DLEC1: variants seen among roughly 807,000 people sequenced by gnomAD.
DLEC1 encodes deleted in lung and esophageal cancer protein 1.
In DLEC1, 146 loss-of-function variants were observed where a neutral mutation model predicts 198.1. That is an observed-to-expected ratio of 0.74 (90% CI 0.64 to 0.85). DLEC1 has a LOEUF of 0.85. DLEC1 is among the 40% of genes least tolerant of loss of function. The pLI is 0.00. For synonymous variants in DLEC1, 897 were observed against 866.8 expected (o/e 1.03, Z -0.61); for missense variants, 2,233 against 2,220.0 (o/e 1.01, Z -0.12).
chr3:38,067,683 T>C lies in DLEC1; in HGVS notation c.1173+3764T>C, dbSNP rs6775473. Among the ~76,000 whole-genome samples, 5 of 151,598 alleles carry C rather than the reference T, an allele frequency of 3.3e-5. No individual in the cohort carries two copies. In the East Asian group the frequency reaches 9.7e-4, roughly 30 times the overall value. The stretch of plus-strand genomic sequence containing the variant: ...CCACATAGCTTCTCTATGTGGGCTG[T>C]GCTTCCTTACAGTATGGCAATCTCA... On this transcript the variant is annotated intron_variant, in intron 6 of 36. Transcript: ENST00000308059.
In DLEC1 at chr3:38,113,736, A is replaced by C. The variant is rs577918905; in HGVS notation, c.3667-606A>C. Among the ~76,000 whole-genome samples the C allele has an allele frequency of 2.6e-5, 4 of 152,136 alleles. No homozygotes were observed. In the South Asian group the frequency reaches 6.2e-4, roughly 24 times the overall value. On this transcript the variant is annotated intron_variant, in intron 25 of 36. Transcript: ENST00000308059. ...TAATCCTATATTGTTAAAAGAAAAG[A>C]TTATTAAAGGCATGTGCAGCATGCT...
At chr3:38,049,348 T>C (rs750937320) in intron 2 of DLEC1, among the ~76,000 whole-genome samples, 1 of 152,196 alleles carries the variant, frequency 6.6e-6, no homozygotes, top group Non-Finnish European at 1.5e-5. Flanking sequence ...ATAACTCAGA[T>C]AACTGGCAAT....
rs1039933243 is a variant in DLEC1, at chr3:38,081,618, T to C, written c.1174-2540T>C. 4.4e-3 allele frequency among the ~76,000 whole-genome samples: 410 copies of C among 93,838 alleles called. 31 individuals carry two copies. The highest frequency in any genetic ancestry group is 5.1e-3 in the Non-Finnish European group (241 of 47,532). 61.6% of individuals were successfully genotyped at this position (93,838 alleles called of 152,430 possible). ...CGGGGCGGCTGGCCGGGCGGAGGGC[T>C]GACCCCCCCACCTCCCTCCCGGACG... On this transcript the variant is annotated intron_variant, in intron 6 of 36. Coordinates refer to ENST00000308059, the MANE Select transcript of DLEC1 (RefSeq NM_007335.4).
chr3:38,116,644 G>A lies in DLEC1; in HGVS notation c.4048G>A (p.Glu1350Lys). ...CTCCAGTTCATCGGAATTCAGCCAT[G>A]AAACTGACTCATCAGTGAGCAGGGG... ...GPSSSSEFSH[E>K]TDSSVEGSSS... is the part of the protein sequence containing the mutation. The change falls in exon 28 of 37, where the codon GAA (glutamate) becomes AAA (lysine). Residue 1350 changes from glutamate to lysine, a missense_variant. By Grantham distance (56) the Glu-to-Lys change is moderately conservative (BLOSUM62 1). Coordinates refer to ENST00000308059, the MANE Select transcript of DLEC1 (RefSeq NM_007335.4). The A allele has an allele frequency of 6.2e-7, 1 of 1,614,140 alleles. No individual in the cohort carries two copies. The highest frequency in any genetic ancestry group is 1.3e-5 in the African/African-American group (1 of 75,056).
chr3:38,084,548 A>AGTGGTGGTT (rs1698314581), intron 7 of DLEC1, among the ~76,000 whole-genome samples: 1 of 1,406 alleles, frequency 7.1e-4, no homozygotes, highest in Non-Finnish European at 2.4e-3. Flanking sequence ...TGGTAGTAGT[A>AGTGGTGGTT]GTGGTAGTAG....
chr3:38,097,230 A>G lies in DLEC1; in HGVS notation c.2389A>G (p.Ser797Gly), dbSNP rs1212250878. The G allele has an allele frequency of 6.3e-7, 1 of 1,587,718 alleles. No individual in the cohort carries two copies. The highest frequency in any genetic ancestry group is 1.8e-5 in the Admixed American group (1 of 56,816). The change falls in exon 16 of 37, where the codon AGC becomes GGC. Residue 797 changes from serine (S) to glycine (G), a missense_variant. Ser to Gly is a moderately conservative substitution (Grantham distance 56). Coordinates refer to ENST00000308059, the MANE Select transcript of DLEC1 (RefSeq NM_007335.4). ...SPIRYLWGKI[S>G]DCHIIEVEPG... is the part of the protein sequence containing the mutation. Reference sequence around the variant, plus strand: ...CATCAGATACCTGTGGGGGAAGATCAGCGACTGCCACATCATTGAAGTGGA... The same window carrying G: ...CATCAGATACCTGTGGGGGAAGATCGGCGACTGCCACATCATTGAAGTGGA...
chr3:38,078,586 A>G (rs1335433707), intron 6 of DLEC1, among the ~76,000 whole-genome samples: 2 of 152,192 alleles, frequency 1.3e-5, no homozygotes, highest in Non-Finnish European at 1.5e-5. Context: ...GAGATAGGTA[A>G]CAGATGAGGA....
At chr3:38,083,198 G>C (rs1015798802) in intron 6 of DLEC1, among the ~76,000 whole-genome samples, 1 of 151,658 alleles carries the variant, frequency 6.6e-6, no homozygotes, top group Non-Finnish European at 1.5e-5. Context: ...CGTGTGAAGA[G>C]ACCACCAAAC....
intron 1 of DLEC1, among the ~76,000 whole-genome samples, chr3:38,043,512 A>G (rs1228581453): frequency 6.6e-6 from 1 of 152,214 alleles, no homozygotes; most frequent in African/African-American, 2.4e-5. Flanking sequence ...CCTGACTCCA[A>G]GAAGATTTAG....
Position 38,084,168 on chromosome 3 carries a change from C to T in DLEC1, c.1184C>T (p.Ala395Val), listed in dbSNP as rs143610524. ...CTTACCTTTCAACAGATGGTAATTG[C>T]GCTGCAGAACACCACCACGACCAGC... Reference protein sequence around the residue: ...EIGPVYEMVIALQNTTTTSRY... With the variant: ...EIGPVYEMVIVLQNTTTTSRY... The change falls in exon 7 of 37, where the codon GCG (alanine) becomes GTG (valine). Residue 395 changes from alanine to valine, a missense_variant. Transcript: ENST00000308059. The T allele has an allele frequency of 6.0e-4, 975 of 1,612,654 alleles. 1 individual carries two copies. Among genetic ancestry groups the T allele is most frequent in the East Asian group, 4.2e-3 (189 of 44,816 alleles).
At chr3:38,088,719 T>TC (rs1399833414) in intron 10 of DLEC1, among the ~76,000 whole-genome samples, 1 of 152,160 alleles carries the variant, frequency 6.6e-6, no homozygotes, top group Non-Finnish European at 1.5e-5. Context: ...GGGTCTTCCC[T>TC]CCCCCAGGCC....
Position 38,045,668 on chromosome 3 carries a change from C to G in DLEC1, c.537C>G (p.Leu179=), listed in dbSNP as rs146035754. 15 of 1,613,236 alleles carry G rather than the reference C, an allele frequency of 9.3e-6. No individual in the cohort carries two copies. Among genetic ancestry groups the G allele is most frequent in the South Asian group, 2.2e-5 (2 of 90,992 alleles). The change falls in exon 2 of 37, where the codon CTC becomes CTG. Residue 179 remains leucine, a synonymous_variant. Coordinates refer to ENST00000308059, the MANE Select transcript of DLEC1 (RefSeq NM_007335.4). ...TGAGCCAGGCTGGAGTACAGGACCTCGAGAGCCTTGTCAGGTTGCCTCCAG... is the reference window on the plus strand; with the variant it reads ...TGAGCCAGGCTGGAGTACAGGACCTGGAGAGCCTTGTCAGGTTGCCTCCAG... ...RVMSQAGVQD[L]ESLVRLPPVK...
chr3:38,054,354 C>T (rs561618246), intron 2 of DLEC1, among the ~76,000 whole-genome samples: 2 of 152,210 alleles, frequency 1.3e-5, no homozygotes, highest in African/African-American at 2.4e-5. Flanking sequence ...GAGGCACTGA[C>T]GTTTTTCTGG....
At chr3:38,086,513 C>T (rs2125677524) in intron 9 of DLEC1, 136 bp downstream of exon 9, 1 of 1,188,790 alleles carries the variant, frequency 8.4e-7, no homozygotes, top group Middle Eastern at 2.3e-4. Context: ...TATGCAACTG[C>T]CACAACCCGA....
chr3:38,061,339 T>C (rs1696673913), intron 3 of DLEC1, among the ~76,000 whole-genome samples: 1 of 151,888 alleles, frequency 6.6e-6, no homozygotes, highest in East Asian at 1.9e-4. Context: ...CCATCATGCC[T>C]GGATAATTTT....
chr3:38,095,339 A>T (rs2125694554), intron 13 of DLEC1: 1 of 494,446 alleles, frequency 2.0e-6, no homozygotes, highest in East Asian at 3.4e-5. Context: ...CCACATGTCT[A>T]CTATGGCAAA....
chr3:38,122,288 G>C lies in DLEC1; in HGVS notation c.5145-1G>C. 1 of 1,611,486 alleles carries C rather than the reference G, an allele frequency of 6.2e-7. No individual in the cohort carries two copies. Among genetic ancestry groups the C allele is most frequent in the Non-Finnish European group, 8.5e-7 (1 of 1,178,174 alleles). The stretch of plus-strand genomic sequence containing the variant: ...CCTCAGCCCCCACATGCTCCCCACA[G>C]GAGTAGTGAGCTGTACGAGTCCACG... On this transcript the variant is annotated splice_acceptor_variant, in intron 36 of 36. Transcript: ENST00000308059. LOFTEE classifies it high-confidence loss of function.
rs747436945 is a variant in DLEC1 at position 38,096,563 on chromosome 3, G to A, written c.2172-6G>A. 2 of 1,608,952 alleles carry A rather than the reference G, an allele frequency of 1.2e-6. No individual in the cohort carries two copies. Among genetic ancestry groups the A allele is most frequent in the East Asian group, 4.5e-5 (2 of 44,854 alleles). Reference sequence around the variant, plus strand: ...GGCTCCTAGCTAACGGTGGGTTTGTGTTTAGTTCAGAAGCGGAGAGCCTGG... The same window carrying A: ...GGCTCCTAGCTAACGGTGGGTTTGTATTTAGTTCAGAAGCGGAGAGCCTGG... On this transcript the variant is annotated splice_region_variant and splice_polypyrimidine_tract_variant and intron_variant, in intron 14 of 36. Coordinates refer to ENST00000308059, the MANE Select transcript of DLEC1 (RefSeq NM_007335.4).
At chr3:38,054,437 A>AG (rs1378925114) in intron 2 of DLEC1, among the ~76,000 whole-genome samples, 1 of 152,176 alleles carries the variant, frequency 6.6e-6, no homozygotes, top group Non-Finnish European at 1.5e-5. Context: ...TGAAGACATG[A>AG]GGTTCCTGGG....
Sources: allele counts gnomAD v4.1 joint callset (sites outside exome capture counted in the v4.1 genomes callset), GRCh38; gene constraint gnomAD v4.1.1; transcripts MANE v1.5; gene names NCBI Gene and HGNC (gene_info 2026-07-23, HGNC 2026-07-21).